The following CHL1 variants were observed in gnomAD, a reference collection of about 807,000 sequenced individuals.
The protein encoded by CHL1 is cell adhesion molecule L1 like, also known as neural cell adhesion molecule L1-like protein.
CHL1 carries 96 observed loss-of-function variants against 141.9 expected under a neutral mutation model. The observed-to-expected ratio is 0.68, with a 90% CI of 0.57 to 0.80. The LOEUF is 0.80. Ranked by LOEUF, CHL1 falls within the 30% of genes least tolerant of loss-of-function variation. The probability of loss-of-function intolerance (pLI) is 0.00; values close to 1 mark genes in which losing one functional copy is unlikely to be tolerated. For missense variants in CHL1, 1,820 were observed against 1,457.2 expected (o/e 1.25, Z -4.05); for synonymous variants, 613 against 502.2 (o/e 1.22, Z -2.95).
intron 5 of CHL1, among the ~76,000 whole-genome samples, chr3:337,929 A>G (rs1160051542): frequency 6.6e-6 from 1 of 152,120 alleles, no homozygotes; most frequent in African/African-American, 2.4e-5. Context: ...CTAGTTCTAG[A>G]TCCCTGAGGA....
chr3:322,080 C>T (rs765267665), intron 3 of CHL1, among the ~76,000 whole-genome samples: 1 of 151,928 alleles, frequency 6.6e-6, no homozygotes, highest in African/African-American at 2.4e-5. Flanking sequence ...CATCCCTCAC[C>T]GTTTATAACT....
chr3:246,898 T>A (rs1044168781), intron 2 of CHL1: 2 of 152,088 alleles, frequency 1.3e-5, no homozygotes, highest in Non-Finnish European at 2.9e-5. Context: ...TGACAGGGAC[T>A]ACATTTTTGC....
chr3:287,258 TTCTAGTAGG>T (rs1162810402), intron 2 of CHL1, among the ~76,000 whole-genome samples: 1 of 152,132 alleles, frequency 6.6e-6, no homozygotes, highest in Non-Finnish European at 1.5e-5. Context: ...AGAATGTAAA[TTCTAGTAGG>T]TCAGTGAAGA....
intron 2 of CHL1, among the ~76,000 whole-genome samples, chr3:312,612 A>G (rs1359455715): frequency 1.3e-5 from 2 of 152,182 alleles, no homozygotes; most frequent in Non-Finnish European, 2.9e-5. Context: ...ATTCCAAACC[A>G]GGGGAATAGT....
intron 2 of CHL1, among the ~76,000 whole-genome samples, chr3:303,882 A>G (rs944460352): frequency 2.0e-5 from 3 of 152,110 alleles, no homozygotes; most frequent in Non-Finnish European, 2.9e-5. Context: ...AGCTCTTATT[A>G]TTTTGAGATG....
intron 4 of CHL1, among the ~76,000 whole-genome samples, 186 bp downstream of exon 4, chr3:326,250 C>A (rs1701005734): frequency 6.6e-6 from 1 of 151,958 alleles, no homozygotes; most frequent in South Asian, 2.1e-4. Flanking sequence ...TTTTCTGCCA[C>A]TTGAATTTAT....
At chr3:233,513 T>C (rs779732814) in intron 1 of CHL1, among the ~76,000 whole-genome samples, 5 of 152,190 alleles carry the variant, frequency 3.3e-5, no homozygotes, top group Admixed American at 6.6e-5. Context: ...TAACGCATGA[T>C]CATTAAAAAT....
At chr3:328,964 A>G (rs894788071) in intron 5 of CHL1, among the ~76,000 whole-genome samples, 2 of 152,188 alleles carry the variant, frequency 1.3e-5, no homozygotes, top group Admixed American at 6.6e-5. Context: ...CAATAGTATG[A>G]TGCTCATTAG....
intron 14 of CHL1, among the ~76,000 whole-genome samples, chr3:365,068 T>C (rs1704699534): frequency 6.6e-6 from 1 of 152,228 alleles, no homozygotes; most frequent in African/African-American, 2.4e-5. Context: ...TTATTAATAC[T>C]TTCCATTTTT....
chr3:250,120 C>T (rs2125133983), intron 2 of CHL1, among the ~76,000 whole-genome samples: 1 of 152,060 alleles, frequency 6.6e-6, no homozygotes, highest in South Asian at 2.1e-4. Flanking sequence ...GCATGCATCA[C>T]CACACCTGGC....
intron 10 of CHL1, among the ~76,000 whole-genome samples, chr3:352,699 A>G (rs1414756524): frequency 6.6e-6 from 1 of 152,178 alleles, no homozygotes; most frequent in Non-Finnish European, 1.5e-5. Context: ...GCTTACTTCT[A>G]TAGGAGAAAT....
chr3:237,207 A>G (rs1467716975), intron 1 of CHL1, among the ~76,000 whole-genome samples: 3 of 152,146 alleles, frequency 2.0e-5, no homozygotes, highest in African/African-American at 7.2e-5. Context: ...TGCTGTTCTC[A>G]TGATAGTGAG....
intron 2 of CHL1, among the ~76,000 whole-genome samples, chr3:301,559 T>G (rs565025788): frequency 6.6e-6 from 1 of 152,176 alleles, no homozygotes; most frequent in Non-Finnish European, 1.5e-5. Flanking sequence ...GAAGGTATTC[T>G]TTTGCAATTG....
chr3:232,204 A>G (rs1427181362), intron 1 of CHL1, among the ~76,000 whole-genome samples: 1 of 152,154 alleles, frequency 6.6e-6, no homozygotes, highest in East Asian at 1.9e-4. Context: ...CATTCTGTGT[A>G]TTGGCATGTC....
intron 6 of CHL1, 122 bp downstream of exon 6, chr3:341,038 A>G: frequency 9.9e-7 from 1 of 1,011,060 alleles, no homozygotes; most frequent in Non-Finnish European, 1.5e-6. Context: ...TCATATTTGA[A>G]GAGGAGATGC....
intron 2 of CHL1, among the ~76,000 whole-genome samples, chr3:251,490 C>A (rs1693688904): frequency 6.6e-6 from 1 of 152,130 alleles, no homozygotes; most frequent in South Asian, 2.1e-4. Context: ...TCAGTGTCAT[C>A]AACATAGTGC....
intron 2 of CHL1, among the ~76,000 whole-genome samples, chr3:302,166 G>C (rs1033554188): frequency 1.3e-5 from 2 of 152,194 alleles, no homozygotes; most frequent in African/African-American, 2.4e-5. Flanking sequence ...ATTTGGGTTG[G>C]TTCCAAGTCT....
chr3:403,433 A>C (rs890626185), intron 27 of CHL1, among the ~76,000 whole-genome samples: 1 of 152,106 alleles, frequency 6.6e-6, no homozygotes, highest in African/African-American at 2.4e-5. Flanking sequence ...GACCTGCAAC[A>C]ACTTTTCAAA....
chr3:212,590 C>T (rs1457896000), intron 1 of CHL1, among the ~76,000 whole-genome samples: 1 of 152,224 alleles, frequency 6.6e-6, no homozygotes, highest in Non-Finnish European at 1.5e-5. Flanking sequence ...GTCACTTTGA[C>T]CATGATGTCA....
Sources: gnomAD v4.1 joint callset for allele counts (sites outside exome capture counted in the v4.1 genomes callset) on GRCh38, gnomAD v4.1.1 for gene constraint, MANE v1.5 for transcripts, NCBI Gene and HGNC (gene_info 2026-07-23, HGNC 2026-07-21) for gene names.